FHIP1A: variants seen among roughly 807,000 people sequenced by gnomAD.
The protein encoded by FHIP1A is FHF complex subunit HOOK-interacting protein 1A.
A neutral mutation model predicts 88.6 loss-of-function variants in FHIP1A; 61 were observed. The ratio of observed to expected loss-of-function variants is 0.69; its 90% CI spans 0.56 to 0.85. FHIP1A has a LOEUF of 0.85. FHIP1A is among the 40% of genes least tolerant of loss of function. The pLI is 0.00. For missense variants in FHIP1A, 1,154 were observed against 1,273.5 expected, an observed-to-expected ratio of 0.91 and a Z score of 1.43; for synonymous variants, 478 against 496.0, an observed-to-expected ratio of 0.96 and a Z score of 0.48.
intron 2 of FHIP1A, among the ~76,000 whole-genome samples, chr4:151,458,871 A>C (rs1186143632): frequency 6.6e-6 from 1 of 151,596 alleles, no homozygotes; most frequent in Non-Finnish European, 1.5e-5. Flanking sequence ...GATCACTGGC[A>C]TTTCCTGTAA....
chr4:151,494,189 G>GT (rs1323777540), intron 3 of FHIP1A, among the ~76,000 whole-genome samples: 7 of 152,106 alleles, frequency 4.6e-5, no homozygotes, highest in African/African-American at 1.7e-4. Flanking sequence ...TCTGTTGATA[G>GT]TTTTTTTGCT....
At chr4:151,472,448 A>C (rs753237483) in intron 2 of FHIP1A, among the ~76,000 whole-genome samples, 1 of 152,166 alleles carries the variant, frequency 6.6e-6, no homozygotes, top group African/African-American at 2.4e-5. Context: ...GCTGGGTGCT[A>C]TAAAGCCAAG....
At chr4:151,497,314 G>A (rs17690873) in intron 3 of FHIP1A, among the ~76,000 whole-genome samples, 4,955 of 152,004 alleles carry the variant, frequency 0.033, 193 homozygotes, top group East Asian at 0.11. Flanking sequence ...ATATTTATTC[G>A]AAGAGTGGGA....
At chr4:151,581,272 A>G (rs1734016056) in intron 5 of FHIP1A, among the ~76,000 whole-genome samples, 1 of 152,198 alleles carries the variant, frequency 6.6e-6, no homozygotes, top group Non-Finnish European at 1.5e-5. Flanking sequence ...TGCTAAGTTC[A>G]AGACTGTGGC....
chr4:151,631,645 C>T (rs7692700), intron 8 of FHIP1A, among the ~76,000 whole-genome samples: 41,657 of 151,932 alleles, frequency 0.27, 6,121 homozygotes, highest in Non-Finnish European at 0.33. Flanking sequence ...GTAAGAACTT[C>T]AGAAACTTTG....
At chr4:151,584,883 C>T (rs140126580) in intron 5 of FHIP1A, among the ~76,000 whole-genome samples, 145 of 152,232 alleles carry the variant, frequency 9.5e-4, no homozygotes, top group Non-Finnish European at 1.7e-3. Flanking sequence ...CTAACTCCTA[C>T]GTACTCTTCA....
chr4:151,540,012 C>T (rs1043025934), intron 3 of FHIP1A, among the ~76,000 whole-genome samples: 2 of 150,872 alleles, frequency 1.3e-5, no homozygotes, highest in Non-Finnish European at 3.0e-5. Context: ...CTTCAAGTAA[C>T]CTAAATGGGA....
intron 1 of FHIP1A, among the ~76,000 whole-genome samples, chr4:151,453,659 C>T (rs562273024): frequency 6.6e-5 from 10 of 152,178 alleles, no homozygotes; most frequent in South Asian, 2.1e-4. Flanking sequence ...GAGACCAGCT[C>T]GACCAACATG....
intron 3 of FHIP1A, among the ~76,000 whole-genome samples, chr4:151,560,524 A>C (rs1037764603): frequency 5.3e-5 from 8 of 152,142 alleles, no homozygotes; most frequent in African/African-American, 1.9e-4. Context: ...TTCAAGTTCT[A>C]CCCTATAGAA....
chr4:151,422,378 A>AT (rs1257467723), intron 1 of FHIP1A, among the ~76,000 whole-genome samples: 1 of 144,626 alleles, frequency 6.9e-6, no homozygotes, highest in Non-Finnish European at 1.5e-5. Context: ...TGAAAAAAAA[A>AT]AATATATATA....
intron 3 of FHIP1A, among the ~76,000 whole-genome samples, chr4:151,514,675 C>A (rs1385504304): frequency 6.6e-6 from 1 of 152,126 alleles, no homozygotes; most frequent in African/African-American, 2.4e-5. Context: ...ACTACAAACA[C>A]CTCTATGCAA....
At chr4:151,483,734 C>G (rs889752007) in intron 3 of FHIP1A, among the ~76,000 whole-genome samples, 1 of 152,066 alleles carries the variant, frequency 6.6e-6, no homozygotes, top group South Asian at 2.1e-4. Flanking sequence ...AATTTTGTAT[C>G]CTTTAAGAAA....
At position 151,591,437 on chromosome 4, in the gene FHIP1A, T is replaced by A. The variant is rs145524154; in HGVS notation, c.978+2511T>A. On this transcript the variant is annotated intron_variant, in intron 7 of 13. Coordinates refer to ENST00000435205, the MANE Select transcript of FHIP1A (RefSeq NM_001109977.3). ...GCCTTGACATGAGCATTATTTTTTT[T>A]AATTCTTTATTTATTTTTATTGTAT... Among the ~76,000 whole-genome samples the A allele has an allele frequency of 1.8e-3, 278 of 152,272 alleles. 1 individual carries two copies. The highest frequency in any genetic ancestry group is 6.2e-3 in the African/African-American group (258 of 41,560).
At chr4:151,602,961 A>G (rs952753626) in intron 7 of FHIP1A, among the ~76,000 whole-genome samples, 1 of 152,176 alleles carries the variant, frequency 6.6e-6, no homozygotes, top group African/African-American at 2.4e-5. Context: ...TCCCTTAAGG[A>G]CTATACCCAG....
intron 13 of FHIP1A, among the ~76,000 whole-genome samples, chr4:151,658,236 G>A (rs1322563414): frequency 6.6e-6 from 1 of 152,210 alleles, no homozygotes; most frequent in Non-Finnish European, 1.5e-5. Flanking sequence ...GTGAGAGAAG[G>A]TACACCAATT....
At chr4:151,658,809 G>A (rs937680665) in intron 13 of FHIP1A, among the ~76,000 whole-genome samples, 2 of 151,998 alleles carry the variant, frequency 1.3e-5, no homozygotes, top group African/African-American at 4.8e-5. Context: ...TCTGAAAAGG[G>A]CAAAAAAGGC....
chr4:151,505,563 A>G (rs1213826446), intron 3 of FHIP1A, among the ~76,000 whole-genome samples: 2 of 152,232 alleles, frequency 1.3e-5, no homozygotes, highest in African/African-American at 4.8e-5. Context: ...TCAGATGACC[A>G]CTGTGAAGCA....
At chr4:151,490,721 G>C (rs1204967833) in intron 3 of FHIP1A, among the ~76,000 whole-genome samples, 1 of 140,778 alleles carries the variant, frequency 7.1e-6, no homozygotes, top group Non-Finnish European at 1.6e-5. Context: ...AGAGAAAGGT[G>C]AAAACCGACT....
At chr4:151,594,452 G>T (rs1304743030) in intron 7 of FHIP1A, among the ~76,000 whole-genome samples, 1 of 152,102 alleles carries the variant, frequency 6.6e-6, no homozygotes, top group Non-Finnish European at 1.5e-5. Context: ...ATTTAGTCTT[G>T]AGAGGGTGTA....
Sources: allele counts gnomAD v4.1 joint callset (sites outside exome capture counted in the v4.1 genomes callset), GRCh38; gene constraint gnomAD v4.1.1; transcripts MANE v1.5; gene names NCBI Gene and HGNC (gene_info 2026-07-23, HGNC 2026-07-21).